Variants in DYRK1A observed in about 807,000 individuals in gnomAD.
DYRK1A encodes dual specificity tyrosine phosphorylation regulated kinase 1A, also known as dual specificity tyrosine-phosphorylation-regulated kinase 1A.
DYRK1A carries 9 observed loss-of-function variants against 79.7 expected under a neutral mutation model. The ratio of observed to expected loss-of-function variants is 0.11; its 90% CI spans 0.07 to 0.20. The LOEUF (loss-of-function observed/expected upper bound fraction) is 0.20, where lower values mean the gene tolerates loss of function less well. Among genes scored for constraint, DYRK1A ranks in the 10% least tolerant of loss-of-function variants. The pLI, the probability that DYRK1A is intolerant of heterozygous loss-of-function variation, is 1.00. For synonymous variants in DYRK1A, 349 were observed against 329.7 expected, an observed-to-expected ratio of 1.06 and a Z score of -0.63; for missense variants, 622 against 956.0, an observed-to-expected ratio of 0.65 and a Z score of 4.61.
At chr21:37,492,396 A>T (rs191886009) in intron 7 of DYRK1A, among the ~76,000 whole-genome samples, 5 of 152,348 alleles carry the variant, frequency 3.3e-5, no homozygotes, top group Admixed American at 6.5e-5. Flanking sequence ...CATTGAAAAT[A>T]GTCCATTTCA....
At chr21:37,440,651 C>A (rs1327154717) in intron 2 of DYRK1A, among the ~76,000 whole-genome samples, 1 of 151,952 alleles carries the variant, frequency 6.6e-6, no homozygotes, top group Non-Finnish European at 1.5e-5. Flanking sequence ...TTATTTAGGA[C>A]TATTTTGTTT....
At chr21:37,464,304 G>T in intron 2 of DYRK1A, 1 of 502,048 alleles carries the variant, frequency 2.0e-6, no homozygotes, top group Non-Finnish European at 3.9e-6. Flanking sequence ...ATGGTCTCTA[G>T]TTATTATAGT....
intron 4 of DYRK1A, among the ~76,000 whole-genome samples, chr21:37,480,038 A>G (rs957212250): frequency 2.6e-5 from 4 of 152,118 alleles, no homozygotes; most frequent in Non-Finnish European, 5.9e-5. Flanking sequence ...TTATATTTTT[A>G]TAGGTTTAAA....
At chr21:37,392,024 T>C (rs1423081458) in intron 1 of DYRK1A, among the ~76,000 whole-genome samples, 1 of 152,234 alleles carries the variant, frequency 6.6e-6, no homozygotes, top group African/African-American at 2.4e-5. Context: ...CTGTAAGCCA[T>C]TATCCATCTT....
chr21:37,468,394 C>G (rs941909396), intron 2 of DYRK1A, among the ~76,000 whole-genome samples: 1 of 152,076 alleles, frequency 6.6e-6, no homozygotes, highest in African/African-American at 2.4e-5. Flanking sequence ...GGCATGAGCC[C>G]CTGCGCCTGG....
rs766002484 is a variant in DYRK1A at position 37,506,203 on chromosome 21, T to C, written c.1624T>C (p.Cys542Arg). The part of the protein sequence containing the change: ...HFTAAVQAMD[C>R]ETHSPQVRQQ... ...CACAGCTGCCGTGCAGGCCATGGAC[T>C]GCGAGACACACAGTCCCCAGGTGAG... The change falls in exon 11 of 12, where the codon TGC becomes CGC. Residue 542 changes from cysteine to arginine, a missense_variant. Around this residue, in one of 5 missense-constraint regions of DYRK1A, gnomAD observed 292 missense variants for 316.7 expected, o/e 0.92. Coordinates refer to ENST00000647188, the MANE Select transcript of DYRK1A (RefSeq NM_001347721.2). 1.2e-6 allele frequency: 2 copies of C among 1,614,044 alleles called. No homozygotes were observed. The highest frequency in any genetic ancestry group is 1.1e-5 in the South Asian group (1 of 91,082).
In DYRK1A at chr21:37,519,431, C is replaced by T. The variant is rs2053912998; in HGVS notation, c.*6900C>T. 1 of 152,198 alleles carries T rather than the reference C, an allele frequency of 6.6e-6. No individual in the cohort carries two copies. The highest frequency in any genetic ancestry group is 2.1e-4 in the South Asian group (1 of 4,832). The allele number at this position is 152,198 out of a possible 1,614,324, so 9.4% of individuals were successfully genotyped here. A position where few individuals can be genotyped will look rare whatever the true frequency, so the allele number is the denominator to read the frequency against. On this transcript the variant is annotated 3_prime_UTR_variant, in exon 12 of 12. Transcript: ENST00000647188. ...TCCACTTAGGAGATGCTGTGCATGCCTCAGTGAGGTAATGTCCGCAGAAAG... is the reference window on the plus strand; with the variant it reads ...TCCACTTAGGAGATGCTGTGCATGCTTCAGTGAGGTAATGTCCGCAGAAAG...
Position 37,511,913 on chromosome 21 carries a change from G to T in DYRK1A, c.1647G>T (p.Val549=). 3.1e-6 allele frequency: 5 copies of T among 1,609,176 alleles called. No individual in the cohort carries two copies. The highest frequency in any genetic ancestry group is 3.4e-6 in the Non-Finnish European group (4 of 1,176,022). The change falls in exon 12 of 12, where the codon GTG becomes GTT. Residue 549 remains valine (V), a splice_region_variant and synonymous_variant. Transcript: ENST00000647188. ...AMDCETHSPQ[V]RQQFPAPLGW... Reference sequence around the variant, plus strand: ...CTTTTAAAAATCTGTTCTTTCAGGTGCGTCAGCAATTTCCTGCTCCTCTTG... The same window carrying T: ...CTTTTAAAAATCTGTTCTTTCAGGTTCGTCAGCAATTTCCTGCTCCTCTTG...
chr21:37,402,319 A>T (rs910207110), intron 1 of DYRK1A, among the ~76,000 whole-genome samples: 1 of 152,076 alleles, frequency 6.6e-6, no homozygotes, highest in African/African-American at 2.4e-5. Context: ...TTCCCTTCTT[A>T]CAAATTTTAA....
intron 8 of DYRK1A, among the ~76,000 whole-genome samples, chr21:37,494,340 A>T (rs1234651227): frequency 1.3e-5 from 2 of 151,574 alleles, no homozygotes; most frequent in African/African-American, 4.9e-5. Context: ...CATGTTACTC[A>T]TTGTAAAGGC....
intron 9 of DYRK1A, among the ~76,000 whole-genome samples, 185 bp downstream of exon 9, chr21:37,496,443 G>C (rs1431740941): frequency 2.0e-5 from 3 of 152,194 alleles, no homozygotes; most frequent in African/African-American, 7.2e-5. Context: ...GTATGGACCA[G>C]TGTTTGATTA....
rs2052119035 is a variant in DYRK1A at position 37,468,734 on chromosome 21, TGAGA to T, written c.11-3945_11-3942del. Among the ~76,000 whole-genome samples the T allele has an allele frequency of 2.1e-5, 3 of 143,248 alleles. No homozygotes were observed. The South Asian group carries it at 6.9e-4, about 33-fold the overall frequency. The allele number at this position is 143,248 out of a possible 152,430, so 94.0% of individuals were successfully genotyped here. On this transcript the variant is annotated intron_variant, in intron 2 of 11. Coordinates refer to ENST00000647188, the MANE Select transcript of DYRK1A (RefSeq NM_001347721.2). ...TGCAAATGGATTTTGCATTTAGATG[TGAGA>T]GAGAAAGCCCAGTGTTTAGAAGGTA...
At position 37,383,430 on chromosome 21, in the gene DYRK1A, C is replaced by T. The variant is rs186717943; in HGVS notation, c.-77+15802C>T. ...CTAATACACTTTAATAACTTCCTTTCAGCTTAAACAAAGCCAGAGCCAGTT... is the reference window on the plus strand; with the variant it reads ...CTAATACACTTTAATAACTTCCTTTTAGCTTAAACAAAGCCAGAGCCAGTT... On this transcript the variant is annotated intron_variant, in intron 1 of 11. Transcript: ENST00000647188. Among the ~76,000 whole-genome samples, 25 of 152,312 alleles carry T rather than the reference C, an allele frequency of 1.6e-4. 1 individual carries two copies. The East Asian group carries it at 4.8e-3, about 29-fold the overall frequency.
Position 37,417,543 on chromosome 21 carries a change from T to TTCTTTTTCTTTTTC in DYRK1A, c.-76-2755_-76-2754insCTTTTTCTTTTTCT, listed in dbSNP as rs2050378693. Among the ~76,000 whole-genome samples, 2 of 136,948 alleles carry TTCTTTTTCTTTTTC rather than the reference T, an allele frequency of 1.5e-5. 1 individual carries two copies. The highest frequency in any genetic ancestry group is 3.1e-5 in the Non-Finnish European group (2 of 64,212). The allele number at this position is 136,948 out of a possible 152,430, so 89.8% of individuals were successfully genotyped here. On this transcript the variant is annotated intron_variant, in intron 1 of 11. Transcript: ENST00000647188. The stretch of plus-strand genomic sequence containing the variant: ...TTTTTCTTTTTCTTTTTTTTTTTTT[T>TTCTTTTTCTTTTTC]TTTTTTTTTTTACAAATCTTGGTGT...
At chr21:37,366,611 T>A (rs1385942455), upstream of DYRK1A, among the ~76,000 whole-genome samples, 1 of 146,782 alleles carries the variant, frequency 6.8e-6, no homozygotes, top group African/African-American at 2.5e-5. Flanking sequence ...CCTGAGGGGG[T>A]TGGGTGGTTG....
Position 37,512,066 on chromosome 21 carries a change from TCACCAC to T in DYRK1A, c.1812_1817del (p.His609_His610del), listed in dbSNP as rs760576043. 1 of 1,613,838 alleles carries T rather than the reference TCACCAC, an allele frequency of 6.2e-7. No homozygotes were observed. Among genetic ancestry groups the T allele is most frequent in the Admixed American group, 1.7e-5 (1 of 59,970 alleles). On this transcript the variant is annotated inframe_deletion, in exon 12 of 12. Transcript: ENST00000647188. ...ACCATGGTAACAGTTCCCATCACCA[TCACCAC>T]CACCACCACCATCACCACCACCATG...
chr21:37,477,375 C>A (rs546698900), intron 3 of DYRK1A, among the ~76,000 whole-genome samples: 39 of 152,288 alleles, frequency 2.6e-4, no homozygotes, highest in Middle Eastern at 3.4e-3. Context: ...ATTGGGAATC[C>A]TTTGACTGAG....
At chr21:37,431,305 T>C (rs1199362068) in intron 2 of DYRK1A, among the ~76,000 whole-genome samples, 3 of 152,208 alleles carry the variant, frequency 2.0e-5, no homozygotes, top group Non-Finnish European at 4.4e-5. Flanking sequence ...ACTTGAATTG[T>C]AGCTATCCTT....
intron 3 of DYRK1A, among the ~76,000 whole-genome samples, chr21:37,476,863 T>G (rs2052417039): frequency 7.0e-6 from 1 of 142,088 alleles, no homozygotes; most frequent in South Asian, 2.3e-4. Flanking sequence ...CACAGGACTT[T>G]GAGAAGAGAT....
Sources: allele counts gnomAD v4.1 joint callset (sites outside exome capture counted in the v4.1 genomes callset), GRCh38; gene constraint gnomAD v4.1.1; regional missense constraint gnomAD v4.1.1; transcripts MANE v1.5; gene names NCBI Gene and HGNC (gene_info 2026-07-23, HGNC 2026-07-21).